TRIM61: variants seen among roughly 807,000 people sequenced by gnomAD.
TRIM61 encodes the protein tripartite motif containing 61.
TRIM61 carries 1 observed loss-of-function variant against 14.2 expected under a neutral mutation model. The ratio of observed to expected loss-of-function variants is 0.07; its 90% CI spans 0.03 to 0.33. TRIM61 has a LOEUF of 0.33. TRIM61 is among the 10% of genes least tolerant of loss of function. The pLI is 0.99. For missense variants in TRIM61, 19 were observed against 202.2 expected, an observed-to-expected ratio of 0.09 and a Z score of 5.49; for synonymous variants, 8 against 71.6, an observed-to-expected ratio of 0.11 and a Z score of 4.49.
intron 3 of TRIM61, chr4:164,968,482 A>C: frequency 1.0e-6 from 1 of 979,062 alleles, no homozygotes; most frequent in Non-Finnish European, 1.2e-6. Context: ...ATAAAAAAAT[A>C]TTGCTTTCTT....
intron 3 of TRIM61, chr4:164,969,129 G>A (rs752246419): frequency 7.6e-4 from 842 of 1,110,540 alleles, no homozygotes; most frequent in Non-Finnish European, 8.7e-4. Context: ...ACTTGAAATC[G>A]CTTGATAATT....
At chr4:164,971,808 C>T (rs1187679526) in intron 2 of TRIM61, among the ~76,000 whole-genome samples, 4 of 152,116 alleles carry the variant, frequency 2.6e-5, no homozygotes, top group African/African-American at 9.7e-5. Context: ...TCCATCAAAG[C>T]TTGAAAGCCA....
chr4:164,961,817 T>A (rs1732142675), intron 3 of TRIM61, among the ~76,000 whole-genome samples: 1 of 152,244 alleles, frequency 6.6e-6, no homozygotes, highest in South Asian at 2.1e-4. Flanking sequence ...ATGACTGCCA[T>A]GCATACGTTA....
At chr4:164,974,804 G>A (rs1397037981) in intron 2 of TRIM61, among the ~76,000 whole-genome samples, 1 of 152,208 alleles carries the variant, frequency 6.6e-6, no homozygotes, top group Admixed American at 6.5e-5. Flanking sequence ...TGGCTATGGT[G>A]ACTCCCAATA....
chr4:164,976,347 A>T (rs1018959661), intron 2 of TRIM61, among the ~76,000 whole-genome samples: 3 of 152,166 alleles, frequency 2.0e-5, no homozygotes, highest in Non-Finnish European at 4.4e-5. Context: ...CCGACTAGAA[A>T]TACCCACAGG....
intron 3 of TRIM61, among the ~76,000 whole-genome samples, chr4:164,955,863 T>C (rs1384322799): frequency 1.3e-5 from 2 of 152,006 alleles, no homozygotes; most frequent in Non-Finnish European, 2.9e-5. Context: ...AAAGAGGGTG[T>C]AGACAGGAAA....
intron 3 of TRIM61, among the ~76,000 whole-genome samples, chr4:164,967,753 G>C (rs2111144262): frequency 6.6e-6 from 1 of 152,076 alleles, no homozygotes; most frequent in South Asian, 2.1e-4. Flanking sequence ...TAACCCCAGT[G>C]CTTTGGGAGG....
chr4:164,969,086 C>G (rs1486039401), intron 3 of TRIM61: 2 of 1,090,248 alleles, frequency 1.8e-6, no homozygotes, highest in Admixed American at 4.9e-5. Flanking sequence ...TATAAGTTTA[C>G]GATGTGCTGT....
intron 3 of TRIM61, chr4:164,959,015 T>C (rs1297503324): frequency 1.2e-5 from 2 of 167,114 alleles, no homozygotes; most frequent in African/African-American, 4.8e-5. Context: ...ATTAATACGT[T>C]CATATGACTA....
chr4:164,974,754 T>C (rs1732445270), intron 2 of TRIM61, among the ~76,000 whole-genome samples: 1 of 152,036 alleles, frequency 6.6e-6, no homozygotes, highest in South Asian at 2.1e-4. Context: ...AAGAATACTG[T>C]CTCTTACAAA....
chr4:164,956,935 G>A (rs1445902316), intron 3 of TRIM61: 6 of 1,299,658 alleles, frequency 4.6e-6, no homozygotes, highest in African/African-American at 3.0e-5. Flanking sequence ...GGTGCGGCCG[G>A]CACCGTCTCT....
At chr4:164,969,099 C>G (rs944698860) in intron 3 of TRIM61, 76 of 1,098,754 alleles carry the variant, frequency 6.9e-5, no homozygotes, top group Non-Finnish European at 8.2e-5. Context: ...TGTGCTGTTT[C>G]AGGATCTAGA....
At chr4:164,962,438 T>C (rs1024517004) in intron 3 of TRIM61, among the ~76,000 whole-genome samples, 1 of 151,650 alleles carries the variant, frequency 6.6e-6, no homozygotes, top group Non-Finnish European at 1.5e-5. Flanking sequence ...AGAGACGGGG[T>C]TTCACCGTGT....
At chr4:164,966,015 A>C (rs1271141133) in intron 3 of TRIM61, among the ~76,000 whole-genome samples, 2 of 152,252 alleles carry the variant, frequency 1.3e-5, no homozygotes, top group Non-Finnish European at 2.9e-5. Context: ...AATGCAAGAG[A>C]TGCCAAGAAT....
chr4:164,961,952 G>C (rs561013934), intron 3 of TRIM61, among the ~76,000 whole-genome samples: 1 of 152,172 alleles, frequency 6.6e-6, no homozygotes, highest in Non-Finnish European at 1.5e-5. Context: ...AAGCTACATA[G>C]TACAGCTGAA....
chr4:164,955,189 A>G (rs1295940777), intron 3 of TRIM61: 1 of 158,348 alleles, frequency 6.3e-6, no homozygotes, highest in Non-Finnish European at 1.4e-5. Flanking sequence ...TTACTCTGAC[A>G]TCGTATATGA....
At chr4:164,956,839 G>A (rs1440881117) in intron 3 of TRIM61, 2 of 617,790 alleles carry the variant, frequency 3.2e-6, no homozygotes, top group Admixed American at 3.3e-5. Flanking sequence ...GCTCTCAAGG[G>A]GCTTCAGCAC....
chr4:164,966,981 T>C (rs1005849514), intron 3 of TRIM61, among the ~76,000 whole-genome samples: 5 of 152,002 alleles, frequency 3.3e-5, no homozygotes, highest in African/African-American at 4.8e-5. Context: ...CAGGAAGAGA[T>C]ACAGATGTCT....
intron 2 of TRIM61, among the ~76,000 whole-genome samples, chr4:164,976,436 G>C (rs1436781959): frequency 1.3e-5 from 2 of 152,046 alleles, no homozygotes; most frequent in African/African-American, 4.8e-5. Context: ...CTTTCCCCAA[G>C]CATACACCCA....
Sources: allele counts gnomAD v4.1 joint callset (sites outside exome capture counted in the v4.1 genomes callset), GRCh38; gene constraint gnomAD v4.1.1; transcripts MANE v1.5; gene names NCBI Gene and HGNC (gene_info 2026-07-23, HGNC 2026-07-21).